Variants in B3GALT1 observed in about 807,000 individuals in gnomAD.
B3GALT1 encodes the protein UDP-Gal:betaGlcNAc beta 1,3-galactosyltransferase, polypeptide 1.
A neutral mutation model predicts 23.2 loss-of-function variants in B3GALT1; 10 were observed. The observed-to-expected ratio is 0.43, with a 90% confidence interval of 0.27 to 0.73. The LOEUF is 0.73. Ranked by LOEUF, B3GALT1 falls within the 30% of genes least tolerant of loss-of-function variation. The pLI is 0.21. For synonymous variants in B3GALT1, 156 were observed against 141.5 expected (o/e 1.10, Z -0.73); for missense variants, 299 against 405.4 (o/e 0.74, Z 2.25).
chr2:167,825,450 G>GTGTGTA (rs1689198557), intron 4 of B3GALT1, among the ~76,000 whole-genome samples: 1 of 146,966 alleles, frequency 6.8e-6, no homozygotes, highest in South Asian at 2.1e-4. Context: ...GTGTGTGTGT[G>GTGTGTA]TGTGTGCGTG....
At chr2:167,628,773 G>T (rs923041945) in intron 2 of B3GALT1, among the ~76,000 whole-genome samples, 3 of 151,606 alleles carry the variant, frequency 2.0e-5, no homozygotes, top group Non-Finnish European at 3.0e-5. Flanking sequence ...AAGCTGTCAG[G>T]CTTCCATCTT....
chr2:167,384,930 C>T (rs1223415141), intron 1 of B3GALT1, among the ~76,000 whole-genome samples: 1 of 151,898 alleles, frequency 6.6e-6, no homozygotes, highest in Non-Finnish European at 1.5e-5. Context: ...TTTTTTTGAG[C>T]CCCATCTCCC....
At chr2:167,817,011 T>TTTGAC (rs920594699) in intron 3 of B3GALT1, among the ~76,000 whole-genome samples, 2 of 152,220 alleles carry the variant, frequency 1.3e-5, no homozygotes, top group African/African-American at 4.8e-5. Flanking sequence ...TGCTTTGGTA[T>TTTGAC]TTGACTTGAT....
chr2:167,441,145 C>G (rs1698886863), intron 1 of B3GALT1, among the ~76,000 whole-genome samples: 1 of 152,160 alleles, frequency 6.6e-6, no homozygotes, highest in Non-Finnish European at 1.5e-5. Context: ...CAAATGGACT[C>G]TAGCATTGCG....
In B3GALT1 at chr2:167,481,627, C is replaced by T. The variant is rs937388802; in HGVS notation, c.-510-8550C>T. Among the ~76,000 whole-genome samples, 5 of 152,172 alleles carry T rather than the reference C, an allele frequency of 3.3e-5. No homozygotes were observed. In the South Asian group the frequency reaches 6.2e-4, roughly 19 times the overall value. ...TGTGCCAGGCACTAGGTGTAAGCAACTGAGAAAGAATGATGGTCATGTCCC... is the reference window on the plus strand; with the variant it reads ...TGTGCCAGGCACTAGGTGTAAGCAATTGAGAAAGAATGATGGTCATGTCCC... On this transcript the variant is annotated intron_variant, in intron 1 of 4. Transcript: ENST00000392690.
At chr2:167,297,003 C>G (rs1696361690) in intron 1 of B3GALT1, among the ~76,000 whole-genome samples, 1 of 152,038 alleles carries the variant, frequency 6.6e-6, no homozygotes, top group Non-Finnish European at 1.5e-5. Context: ...GAATGGAAAA[C>G]TAATACATAT....
rs544947281 is a variant in B3GALT1, at chr2:167,818,665, C to A, written c.-351-7C>A. ...TAAATTTTTCTCTCTTCTTGGTGTCCACTTAGGGCTACGCAGCTTGCTCCT... is the reference window on the plus strand; with the variant it reads ...TAAATTTTTCTCTCTTCTTGGTGTCAACTTAGGGCTACGCAGCTTGCTCCT... On this transcript the variant is annotated splice_region_variant and splice_polypyrimidine_tract_variant and intron_variant, in intron 3 of 4. Transcript: ENST00000392690. 5.3e-5 allele frequency among the ~76,000 whole-genome samples: 8 copies of A among 152,134 alleles called. No homozygotes were observed. The highest frequency in any genetic ancestry group is 3.3e-4 in the Admixed American group (5 of 15,280).
At chr2:167,563,895 C>A (rs1404503506) in intron 2 of B3GALT1, among the ~76,000 whole-genome samples, 1 of 2,548 alleles carries the variant, frequency 3.9e-4, no homozygotes, top group Non-Finnish European at 8.5e-4. Flanking sequence ...GGGCGGCCGG[C>A]CGGGCGGGGC....
chr2:167,698,888 T>C (rs1470101598), intron 3 of B3GALT1, among the ~76,000 whole-genome samples: 2 of 152,198 alleles, frequency 1.3e-5, no homozygotes, highest in East Asian at 3.8e-4. Context: ...CAGCTGAATT[T>C]TTCTCTACTT....
chr2:167,777,910 C>T lies in B3GALT1; in HGVS notation c.-351-40762C>T, dbSNP rs547904073. Among the ~76,000 whole-genome samples the T allele has an allele frequency of 4.6e-5, 7 of 151,912 alleles. No individual in the cohort carries two copies. In the East Asian group the frequency reaches 1.4e-3, roughly 29 times the overall value. On this transcript the variant is annotated intron_variant, in intron 3 of 4. Transcript: ENST00000392690. ...AATGTCTGGAGACAGTTCTGGTTGT[C>T]ACATCCAACAGGAAGCATGGTGCTG...
At chr2:167,644,077 A>G (rs985156129) in intron 2 of B3GALT1, among the ~76,000 whole-genome samples, 6 of 152,234 alleles carry the variant, frequency 3.9e-5, no homozygotes, top group African/African-American at 7.2e-5. Flanking sequence ...CAAAATAACC[A>G]TAAGAGTTCA....
At chr2:167,640,847 T>C (rs1685639457) in intron 2 of B3GALT1, among the ~76,000 whole-genome samples, 1 of 152,184 alleles carries the variant, frequency 6.6e-6, no homozygotes, top group Admixed American at 6.6e-5. Context: ...GCTTTGGACT[T>C]TCAATCTAGA....
rs544182896 is a variant in B3GALT1 at position 167,788,610 on chromosome 2, G to A, written c.-351-30062G>A. 1.1e-3 allele frequency among the ~76,000 whole-genome samples: 171 copies of A among 152,094 alleles called. 1 individual carries two copies. Among genetic ancestry groups the A allele is most frequent in the African/African-American group, 3.6e-3 (151 of 41,480 alleles). ...GAGGAGCTCAGGTGGTAATGCGAGCGATGAGGAGCAGCTGTAAATACTGTT... is the reference window on the plus strand; with the variant it reads ...GAGGAGCTCAGGTGGTAATGCGAGCAATGAGGAGCAGCTGTAAATACTGTT... On this transcript the variant is annotated intron_variant, in intron 3 of 4. Transcript: ENST00000392690.
intron 4 of B3GALT1, among the ~76,000 whole-genome samples, chr2:167,825,485 A>AAATT (rs554507145): frequency 0.011 from 1,569 of 146,640 alleles, 27 homozygotes; most frequent in African/African-American, 0.037. Flanking sequence ...TGTTATATAT[A>AAATT]AATTATATAT....
intron 1 of B3GALT1, among the ~76,000 whole-genome samples, chr2:167,460,237 A>T (rs1220621946): frequency 6.6e-6 from 1 of 152,228 alleles, no homozygotes; most frequent in African/African-American, 2.4e-5. Flanking sequence ...TCAACAACAC[A>T]TATACTGTTT....
intron 3 of B3GALT1, among the ~76,000 whole-genome samples, chr2:167,788,478 C>T (rs1339628217): frequency 6.6e-6 from 1 of 152,052 alleles, no homozygotes; most frequent in Non-Finnish European, 1.5e-5. Context: ...GATTGTCAGG[C>T]ATTAGAGTCT....
intron 3 of B3GALT1, among the ~76,000 whole-genome samples, chr2:167,703,459 G>A (rs1686912275): frequency 6.6e-6 from 1 of 151,284 alleles, no homozygotes; most frequent in African/African-American, 2.4e-5. Flanking sequence ...CTTACGTTTT[G>A]TATTTTTTTT....
At chr2:167,416,362 C>T (rs1010824348) in intron 1 of B3GALT1, among the ~76,000 whole-genome samples, 2 of 152,178 alleles carry the variant, frequency 1.3e-5, no homozygotes, top group Non-Finnish European at 2.9e-5. Context: ...AGATACAAGT[C>T]GTCAACCTTA....
At chr2:167,511,801 A>C (rs910239931) in intron 2 of B3GALT1, among the ~76,000 whole-genome samples, 3 of 152,178 alleles carry the variant, frequency 2.0e-5, no homozygotes, top group Admixed American at 2.0e-4. Context: ...TAGAAGATGA[A>C]AATGAATTTC....
Sources: allele counts gnomAD v4.1 joint callset (sites outside exome capture counted in the v4.1 genomes callset), GRCh38; gene constraint gnomAD v4.1.1; transcripts MANE v1.5; gene names NCBI Gene and HGNC (gene_info 2026-07-23, HGNC 2026-07-21).